FRMD5: variants seen among roughly 807,000 people sequenced by gnomAD.
FRMD5 encodes the protein FERM domain containing 5, also known as FERM domain-containing protein 5.
A neutral mutation model predicts 69.0 loss-of-function variants in FRMD5; 20 were observed. The ratio of observed to expected loss-of-function variants is 0.29; its 90% CI spans 0.20 to 0.42. FRMD5 has a LOEUF of 0.42. Ranked by LOEUF, FRMD5 falls within the 10% of genes least tolerant of loss-of-function variation. The pLI, the probability that FRMD5 is intolerant of heterozygous loss-of-function variation, is 1.00. For synonymous variants in FRMD5, 271 were observed against 260.1 expected (o/e 1.04, Z -0.40); for missense variants, 595 against 708.6 (o/e 0.84, Z 1.82).
At chr15:44,023,025 G>A (rs1891279064) in intron 1 of FRMD5, among the ~76,000 whole-genome samples, 2 of 152,122 alleles carry the variant, frequency 1.3e-5, no homozygotes, top group Admixed American at 1.3e-4. Flanking sequence ...GAAATGTTGG[G>A]GAGAGGAGTG....
intron 1 of FRMD5, among the ~76,000 whole-genome samples, chr15:44,007,228 A>G (rs77207316): frequency 0.017 from 2,560 of 152,246 alleles, 69 homozygotes; most frequent in East Asian, 0.11. Context: ...GTTTTTTTCC[A>G]GCCATAATGC....
chr15:43,917,600 G>C (rs1342030866), intron 4 of FRMD5: 1 of 151,982 alleles, frequency 6.6e-6, no homozygotes, highest in Non-Finnish European at 1.5e-5. Flanking sequence ...GGCGAGACTG[G>C]TCTCGAACTC....
At chr15:44,076,280 C>G (rs1476761394) in intron 1 of FRMD5, among the ~76,000 whole-genome samples, 1 of 151,732 alleles carries the variant, frequency 6.6e-6, no homozygotes, top group Non-Finnish European at 1.5e-5. Flanking sequence ...TGGGTACATA[C>G]CCAAAGGACT....
chr15:43,938,068 A>C (rs1186483258), intron 1 of FRMD5, among the ~76,000 whole-genome samples: 1 of 151,988 alleles, frequency 6.6e-6, no homozygotes, highest in Non-Finnish European at 1.5e-5. Context: ...TGTCTCTACT[A>C]AAAACACAAA....
intron 8 of FRMD5, 72 bp downstream of exon 8, chr15:43,891,909 G>C (rs572133159): frequency 7.9e-7 from 1 of 1,265,044 alleles, no homozygotes; most frequent in Admixed American, 1.7e-5. Context: ...CACAGACAAA[G>C]GACACGGGAA....
At position 43,873,534 on chromosome 15, in the gene FRMD5, A is replaced by G; in HGVS notation, c.*351T>C. 1 of 1,390,062 alleles carries G rather than the reference A, an allele frequency of 7.2e-7. No homozygotes were observed. The highest frequency in any genetic ancestry group is 9.3e-7 in the Non-Finnish European group (1 of 1,070,358). The allele number at this position is 1,390,062 out of a possible 1,614,324, so 86.1% of individuals were successfully genotyped here. On this transcript the variant is annotated 3_prime_UTR_variant, in exon 14 of 14. Transcript: ENST00000417257. Reference sequence around the variant, plus strand: ...GGTGATACTACTGCAATAATCAGTAATAGTAAAATAAATTATTTTTATTTG... The same window carrying G: ...GGTGATACTACTGCAATAATCAGTAGTAGTAAAATAAATTATTTTTATTTG...
intron 1 of FRMD5, among the ~76,000 whole-genome samples, chr15:44,174,983 G>A (rs182001639): frequency 2.0e-5 from 3 of 152,264 alleles, no homozygotes; most frequent in Admixed American, 6.5e-5. Flanking sequence ...ATGACAGGTT[G>A]ATAGGTGCAG....
rs1049270990 is a variant in FRMD5 at position 43,870,927 on chromosome 15, G to A, written c.*2958C>T. 3 of 152,172 alleles carry A rather than the reference G, an allele frequency of 2.0e-5. No homozygotes were observed. The highest frequency in any genetic ancestry group is 7.2e-5 in the African/African-American group (3 of 41,440). 9.4% of individuals were successfully genotyped at this position (152,172 alleles called of 1,614,324 possible). ...GGTTAACAACTATATATTTTTAAAT[G>A]TATCTAAGAAATTCACATTTGCAGG... On this transcript the variant is annotated 3_prime_UTR_variant, in exon 14 of 14. Coordinates refer to ENST00000417257, the MANE Select transcript of FRMD5 (RefSeq NM_032892.5).
chr15:44,058,602 C>A (rs986105454), intron 1 of FRMD5, among the ~76,000 whole-genome samples: 2 of 151,924 alleles, frequency 1.3e-5, no homozygotes, highest in Non-Finnish European at 2.9e-5. Context: ...CTGGCTAACA[C>A]AGTGAAACCC....
chr15:43,982,709 G>C (rs573865213), intron 1 of FRMD5, among the ~76,000 whole-genome samples: 1 of 152,148 alleles, frequency 6.6e-6, no homozygotes, highest in Admixed American at 6.5e-5. Flanking sequence ...AGAACACATT[G>C]GGTCTTTATA....
chr15:44,129,539 TAAAC>T (rs2077069744), intron 1 of FRMD5, among the ~76,000 whole-genome samples: 1 of 152,082 alleles, frequency 6.6e-6, no homozygotes, highest in Non-Finnish European at 1.5e-5. Flanking sequence ...TAATTTAAAA[TAAAC>T]AAAAAGTTAA....
At position 43,912,321 on chromosome 15, in the gene FRMD5, T is replaced by C. The variant is rs182064485; in HGVS notation, c.330-2342A>G. On this transcript the variant is annotated intron_variant, in intron 4 of 13. Coordinates refer to ENST00000417257, the MANE Select transcript of FRMD5 (RefSeq NM_032892.5). ...AAAAACGAAAGGAAAAAAGACATCA[T>C]GTAGAGTGAATAATTAAGATGGATC... is the stretch of plus-strand genomic sequence containing the variant. 3.1e-4 allele frequency among the ~76,000 whole-genome samples: 47 copies of C among 152,204 alleles called. 1 individual carries two copies. Among genetic ancestry groups the C allele is most frequent in the African/African-American group, 1.0e-3 (43 of 41,552 alleles).
At chr15:43,961,126 GA>G (rs1318034263) in intron 1 of FRMD5, among the ~76,000 whole-genome samples, 5 of 152,024 alleles carry the variant, frequency 3.3e-5, no homozygotes, top group Admixed American at 3.3e-4. Flanking sequence ...CTGGTTTTTT[GA>G]AAAGATCAAC....
intron 1 of FRMD5, among the ~76,000 whole-genome samples, chr15:43,925,208 T>C (rs2089562955): frequency 6.6e-6 from 1 of 152,138 alleles, no homozygotes; most frequent in Admixed American, 6.5e-5. Flanking sequence ...TTTCACCATG[T>C]TGGTCAGGCT....
chr15:44,111,430 C>T (rs2076794341), intron 1 of FRMD5, among the ~76,000 whole-genome samples: 1 of 152,168 alleles, frequency 6.6e-6, no homozygotes, highest in Admixed American at 6.5e-5. Flanking sequence ...CTGCAAGGGC[C>T]CGATCAATTT....
intron 1 of FRMD5, among the ~76,000 whole-genome samples, chr15:44,079,062 A>T (rs1397950982): frequency 6.6e-6 from 1 of 152,170 alleles, no homozygotes. Flanking sequence ...GAACTCCTAT[A>T]ACCCAATAAC....
At chr15:44,140,822 G>A (rs529222479) in intron 1 of FRMD5, among the ~76,000 whole-genome samples, 5 of 124,054 alleles carry the variant, frequency 4.0e-5, no homozygotes, top group Non-Finnish European at 7.8e-5. Flanking sequence ...GATCGAGGCT[G>A]CAATGATCCA....
chr15:43,974,381 T>C (rs978856258), intron 1 of FRMD5, among the ~76,000 whole-genome samples: 7 of 152,240 alleles, frequency 4.6e-5, no homozygotes, highest in East Asian at 1.9e-4. Context: ...TATCCAGTTG[T>C]CCAGAAATTA....
At chr15:44,144,575 C>T (rs2077327125) in intron 1 of FRMD5, among the ~76,000 whole-genome samples, 1 of 152,186 alleles carries the variant, frequency 6.6e-6, no homozygotes, top group East Asian at 1.9e-4. Flanking sequence ...GAATACACAA[C>T]TTCTCTTTCC....
Sources: gnomAD v4.1 joint callset for allele counts (sites outside exome capture counted in the v4.1 genomes callset) on GRCh38, gnomAD v4.1.1 for gene constraint, MANE v1.5 for transcripts, NCBI Gene and HGNC (gene_info 2026-07-23, HGNC 2026-07-21) for gene names.